The following OR4K1 variants were observed in gnomAD, a reference collection of about 807,000 sequenced individuals.
OR4K1 encodes the protein olfactory receptor 4K1.
Under a neutral mutation model 14.4 loss-of-function variants are expected in OR4K1, and 16 were observed. The observed-to-expected ratio is 1.11, with a 90% CI of 0.75 to 1.68. The LOEUF (loss-of-function observed/expected upper bound fraction) is 1.68, where lower values mean the gene tolerates loss of function less well. OR4K1 is among the 40% of genes most tolerant of loss of function. The pLI, the probability that OR4K1 is intolerant of heterozygous loss-of-function variation, is 0.00. For missense variants in OR4K1, 548 were observed against 376.9 expected (o/e 1.45, Z -3.76); for synonymous variants, 181 against 133.1 (o/e 1.36, Z -2.48).
intron 1 of OR4K1, among the ~76,000 whole-genome samples, chr14:19,931,659 C>T (rs1462696876): frequency 2.0e-5 from 3 of 152,186 alleles, no homozygotes; most frequent in Admixed American, 1.3e-4. Context: ...TCCATTGACA[C>T]ATTGTATAGT....
At chr14:19,929,080 A>C (rs939481219), upstream of OR4K1, among the ~76,000 whole-genome samples, 4 of 152,016 alleles carry the variant, frequency 2.6e-5, no homozygotes, top group African/African-American at 9.6e-5. Context: ...ATTATAAAAA[A>C]ATCTTCACGT....
At chr14:19,929,451 A>G (rs1882138738), upstream of OR4K1, among the ~76,000 whole-genome samples, 10 of 150,624 alleles carry the variant, frequency 6.6e-5, no homozygotes, top group Admixed American at 6.7e-4. Flanking sequence ...AGCATGGACC[A>G]AAATATTTCA....
upstream of OR4K1, among the ~76,000 whole-genome samples, chr14:19,928,248 C>T (rs1882102634): frequency 6.6e-6 from 1 of 152,170 alleles, no homozygotes; most frequent in African/African-American, 2.4e-5. Flanking sequence ...GGTTCCTGTC[C>T]CAACAATTCT....
chr14:19,929,583 TG>T (rs1882141635), upstream of OR4K1, among the ~76,000 whole-genome samples: 1 of 152,182 alleles, frequency 6.6e-6, no homozygotes, highest in Non-Finnish European at 1.5e-5. Flanking sequence ...ATTTTAATAA[TG>T]GTTATTTTAT....
At chr14:19,922,909 A>T in the OR4K1 span, among the ~76,000 whole-genome samples, 1 of 152,184 alleles carries the variant, frequency 6.6e-6, no homozygotes, top group Non-Finnish European at 1.5e-5. Context: ...TTTTTAGAAA[A>T]TTTAATGTGG....
At chr14:19,920,805 T>C in the OR4K1 span, 2 of 1,614,224 alleles carry the variant, frequency 1.2e-6, no homozygotes, top group Non-Finnish European at 8.5e-7. Context: ...GGGAAACCTT[T>C]CCTTTGTTGA....
chr14:19,923,438 A>C, the OR4K1 span, among the ~76,000 whole-genome samples: 3 of 152,236 alleles, frequency 2.0e-5, no homozygotes, highest in Non-Finnish European at 4.4e-5. Flanking sequence ...ATTTCTTAAA[A>C]TATTATTTCA....
At chr14:19,921,597 T>A in the OR4K1 span, 1 of 1,596,656 alleles carries the variant, frequency 6.3e-7, no homozygotes, top group Admixed American at 1.8e-5. Flanking sequence ...TCCTTCAAAT[T>A]CCTCAGGTCA....
At chr14:19,935,156 C>T (rs887416627) in intron 1 of OR4K1, among the ~76,000 whole-genome samples, 4 of 152,226 alleles carry the variant, frequency 2.6e-5, no homozygotes, top group Middle Eastern at 3.2e-3. Context: ...GAATGAAGTA[C>T]ATCTTTATAT....
the OR4K1 span, chr14:19,921,106 C>A: frequency 6.2e-7 from 1 of 1,614,168 alleles, no homozygotes; most frequent in Non-Finnish European, 8.5e-7. Context: ...GTGAACCTGC[C>A]TTTTTGTGGA....
chr14:19,934,039 C>G (rs1882247715), intron 1 of OR4K1, among the ~76,000 whole-genome samples: 1 of 152,252 alleles, frequency 6.6e-6, no homozygotes, highest in Admixed American at 6.5e-5. Context: ...TTACCATTAC[C>G]TATACAATTT....
chr14:19,928,287 T>C (rs1210757347), upstream of OR4K1, among the ~76,000 whole-genome samples: 1 of 152,184 alleles, frequency 6.6e-6, no homozygotes, highest in Non-Finnish European at 1.5e-5. Context: ...GCTTATTTAT[T>C]TATTTTATTT....
chr14:19,934,837 ATTT>A, intron 1 of OR4K1, among the ~76,000 whole-genome samples: 1 of 152,120 alleles, frequency 6.6e-6, no homozygotes, highest in African/African-American at 2.4e-5. Context: ...CGCCCGGCTA[ATTT>A]TTTTGTATTT....
chr14:19,925,792 T>G, the OR4K1 span, among the ~76,000 whole-genome samples: 2 of 152,230 alleles, frequency 1.3e-5, no homozygotes, highest in Non-Finnish European at 2.9e-5. Context: ...GCCAACGGGA[T>G]AAAGGATGAA....
the OR4K1 span, chr14:19,920,848 T>C: frequency 6.2e-7 from 1 of 1,614,216 alleles, no homozygotes; most frequent in East Asian, 2.2e-5. Context: ...ACCCCTAAAA[T>C]GATTGCAGAT....
chr14:19,924,701 A>T, the OR4K1 span, among the ~76,000 whole-genome samples: 1 of 152,228 alleles, frequency 6.6e-6, no homozygotes, highest in African/African-American at 2.4e-5. Context: ...CTGGTTATAT[A>T]CCCAAAGGAA....
At chr14:19,929,514 C>T (rs1217391161), upstream of OR4K1, among the ~76,000 whole-genome samples, 2 of 151,900 alleles carry the variant, frequency 1.3e-5, no homozygotes, top group African/African-American at 4.8e-5. Context: ...TTATTTTTCT[C>T]TTGCAAATAT....
chr14:19,922,680 A>G, the OR4K1 span, among the ~76,000 whole-genome samples: 2 of 143,382 alleles, frequency 1.4e-5, no homozygotes, highest in Admixed American at 7.1e-5. Flanking sequence ...ATTGCTTTAT[A>G]GTATTATGAA....
chr14:19,924,218 T>G, the OR4K1 span, among the ~76,000 whole-genome samples: 1 of 152,008 alleles, frequency 6.6e-6, no homozygotes, highest in Admixed American at 6.6e-5. Flanking sequence ...CTGACCAACA[T>G]AGAGAAAACC....
Sources: gnomAD v4.1 joint callset for allele counts (sites outside exome capture counted in the v4.1 genomes callset) on GRCh38, gnomAD v4.1.1 for gene constraint, MANE v1.5 for transcripts, NCBI Gene and HGNC (gene_info 2026-07-23, HGNC 2026-07-21) for gene names.